SEMA6D: variants seen among roughly 807,000 people sequenced by gnomAD.
SEMA6D encodes semaphorin 6D.
In SEMA6D, 35 loss-of-function variants were observed where a neutral mutation model predicts 106.6. The ratio of observed to expected loss-of-function variants is 0.33; its 90% CI spans 0.25 to 0.44. The LOEUF (loss-of-function observed/expected upper bound fraction) is 0.44. Among genes scored for constraint, SEMA6D ranks in the 20% least tolerant of loss-of-function variants. The pLI is 1.00. For missense variants in SEMA6D, 1,185 were observed against 1,345.9 expected (o/e 0.88, Z 1.87); for synonymous variants, 499 against 487.7 (o/e 1.02, Z -0.31).
chr15:47,210,206 C>T (rs62017393), intron 1 of SEMA6D, among the ~76,000 whole-genome samples: 1,849 of 152,174 alleles, frequency 0.012, 42 homozygotes, highest in Admixed American at 0.012. Flanking sequence ...TTTAGTGGAA[C>T]CCTGAATGGG....
intron 4 of SEMA6D, among the ~76,000 whole-genome samples, chr15:47,655,610 T>C (rs2077777127): frequency 6.6e-6 from 1 of 152,208 alleles, no homozygotes; most frequent in African/African-American, 2.4e-5. Context: ...AAGTTCATTA[T>C]TAGTATTTAG....
intron 2 of SEMA6D, among the ~76,000 whole-genome samples, chr15:47,457,413 C>T (rs936980047): frequency 2.6e-5 from 4 of 151,758 alleles, no homozygotes; most frequent in African/African-American, 9.7e-5. Flanking sequence ...AGTATCAGCA[C>T]ACAAGGATAT....
chr15:47,694,919 G>A (rs2078667472), intron 4 of SEMA6D, among the ~76,000 whole-genome samples: 2 of 152,138 alleles, frequency 1.3e-5, no homozygotes, highest in Admixed American at 6.6e-5. Context: ...ATATATGCTG[G>A]TACCAAGGAG....
At chr15:47,459,990 C>G (rs1389678920) in intron 2 of SEMA6D, among the ~76,000 whole-genome samples, 1 of 151,894 alleles carries the variant, frequency 6.6e-6, no homozygotes, top group African/African-American at 2.4e-5. Flanking sequence ...TTTAGATCCC[C>G]GTATTCAAAT....
At chr15:47,401,024 T>G (rs1189190033) in intron 1 of SEMA6D, among the ~76,000 whole-genome samples, 2 of 152,224 alleles carry the variant, frequency 1.3e-5, no homozygotes, top group Non-Finnish European at 2.9e-5. Context: ...TCTTTATACC[T>G]TCGTTTTCCC....
chr15:47,493,621 G>C (rs192372659), intron 3 of SEMA6D, among the ~76,000 whole-genome samples: 44 of 152,186 alleles, frequency 2.9e-4, no homozygotes, highest in African/African-American at 8.4e-4. Context: ...CCACCTAACA[G>C]TTTTGAGTGT....
At chr15:47,536,022 A>G (rs959333010) in intron 3 of SEMA6D, among the ~76,000 whole-genome samples, 64 of 152,302 alleles carry the variant, frequency 4.2e-4, no homozygotes, top group Non-Finnish European at 8.8e-4. Flanking sequence ...GCTATGCTGT[A>G]GGATTTGGAT....
chr15:47,565,263 GCCCCAA>G (rs1017074531), intron 3 of SEMA6D, among the ~76,000 whole-genome samples: 3 of 152,158 alleles, frequency 2.0e-5, no homozygotes, highest in African/African-American at 7.2e-5. Context: ...TCCTGCTGGT[GCCCCAA>G]AGCGCTCACC....
chr15:47,240,328 G>A (rs1458750398), intron 1 of SEMA6D, among the ~76,000 whole-genome samples: 1 of 152,140 alleles, frequency 6.6e-6, no homozygotes, highest in Non-Finnish European at 1.5e-5. Flanking sequence ...CACTGAGAAA[G>A]GGTAAATTAT....
chr15:47,683,328 G>C (rs2078399292), intron 4 of SEMA6D, among the ~76,000 whole-genome samples: 1 of 152,108 alleles, frequency 6.6e-6, no homozygotes, highest in Non-Finnish European at 1.5e-5. Context: ...TTCTGTTTCT[G>C]AGTTATTTCA....
At chr15:47,769,038 G>A (rs2147931715) in intron 18 of SEMA6D, among the ~76,000 whole-genome samples, 1 of 152,312 alleles carries the variant, frequency 6.6e-6, no homozygotes, top group African/African-American at 2.4e-5. Flanking sequence ...TGGATTTCAG[G>A]GAATTTCGAG....
At chr15:47,745,344 G>A (rs2081069514) in intron 1 of SEMA6D, among the ~76,000 whole-genome samples, 1 of 152,218 alleles carries the variant, frequency 6.6e-6, no homozygotes, top group South Asian at 2.1e-4. Context: ...ACAGGGTAAT[G>A]GAGGGACCAA....
intron 3 of SEMA6D, among the ~76,000 whole-genome samples, chr15:47,518,111 G>T (rs540077584): frequency 6.6e-6 from 1 of 152,312 alleles, no homozygotes; most frequent in East Asian, 1.9e-4. Flanking sequence ...AGCTTCTAGG[G>T]ATAAGGCTAT....
chr15:47,652,585 T>A (rs1369639), intron 4 of SEMA6D, among the ~76,000 whole-genome samples: 3 of 152,168 alleles, frequency 2.0e-5, no homozygotes, highest in Admixed American at 2.0e-4. Flanking sequence ...TTGCATCATA[T>A]ATAAACAGAA....
intron 1 of SEMA6D, among the ~76,000 whole-genome samples, chr15:47,322,081 A>C (rs904267291): frequency 1.3e-5 from 2 of 152,216 alleles, no homozygotes; most frequent in Non-Finnish European, 2.9e-5. Flanking sequence ...ACTCCAACCC[A>C]GAAGGCAGGC....
In SEMA6D at chr15:47,332,245, A is replaced by C. The variant is rs146707475; in HGVS notation, c.-238-80148A>C. Among the ~76,000 whole-genome samples the C allele has an allele frequency of 6.8e-4, 104 of 152,308 alleles. No homozygotes were observed. The East Asian group carries it at 0.019, about 28-fold the overall frequency. ...CTTGTTTACATAATAACTGAGCTTG[A>C]ATTGGTTTGTGCATATTTATGTGAC... is the stretch of plus-strand genomic sequence containing the variant. On this transcript the variant is annotated intron_variant, in intron 1 of 19. Coordinates refer to the SEMA6D transcript ENST00000558014.
At chr15:47,701,830 C>T (rs2145921527) in intron 4 of SEMA6D, among the ~76,000 whole-genome samples, 1 of 152,248 alleles carries the variant, frequency 6.6e-6, no homozygotes, top group East Asian at 1.9e-4. Flanking sequence ...CATCCCCCAC[C>T]TGGTTCTTCA....
chr15:47,496,793 T>A (rs528404698), intron 3 of SEMA6D, among the ~76,000 whole-genome samples: 5 of 152,190 alleles, frequency 3.3e-5, no homozygotes, highest in African/African-American at 1.2e-4. Flanking sequence ...ATGTCTCACC[T>A]ACTTGACCTT....
At chr15:47,462,484 A>G (rs535883967) in intron 2 of SEMA6D, among the ~76,000 whole-genome samples, 1 of 151,956 alleles carries the variant, frequency 6.6e-6, no homozygotes, top group South Asian at 2.1e-4. Context: ...AGGAAACTGA[A>G]CCTCCTTCCT....
Sources: gnomAD v4.1 joint callset for allele counts (sites outside exome capture counted in the v4.1 genomes callset) on GRCh38, gnomAD v4.1.1 for gene constraint, MANE v1.5 for transcripts, NCBI Gene and HGNC (gene_info 2026-07-23, HGNC 2026-07-21) for gene names.